Variants in SPTLC2 observed in about 807,000 individuals in gnomAD.
The protein encoded by SPTLC2 is serine palmitoyltransferase 2.
SPTLC2 carries 21 observed loss-of-function variants against 62.0 expected under a neutral mutation model. The observed-to-expected ratio is 0.34, with a 90% CI of 0.24 to 0.49. SPTLC2 has a LOEUF of 0.49. Ranked by LOEUF, SPTLC2 falls within the 20% of genes least tolerant of loss-of-function variation. The probability of loss-of-function intolerance (pLI) is 0.99; values close to 1 mark genes in which losing one functional copy is unlikely to be tolerated. For missense variants in SPTLC2, 511 were observed against 713.0 expected, an observed-to-expected ratio of 0.72 and a Z score of 3.23; for synonymous variants, 261 against 261.8, an observed-to-expected ratio of 1.00 and a Z score of 0.03.
chr14:77,603,394 C>T (rs2079888328), intron 1 of SPTLC2, among the ~76,000 whole-genome samples: 1 of 152,212 alleles, frequency 6.6e-6, no homozygotes, highest in South Asian at 2.1e-4. Flanking sequence ...TCCTTAAAAT[C>T]AGTTCTGCTG....
At chr14:77,614,236 G>C (rs2079952754) in intron 1 of SPTLC2, among the ~76,000 whole-genome samples, 1 of 152,214 alleles carries the variant, frequency 6.6e-6, no homozygotes, top group African/African-American at 2.4e-5. Flanking sequence ...ATGCTAAATT[G>C]TTAGAGATTA....
rs112699811 is a variant in SPTLC2 at position 77,568,007 on chromosome 14, G to A, written c.756+2377C>T. Among the ~76,000 whole-genome samples the A allele has an allele frequency of 2.2e-4, 33 of 152,022 alleles. 1 individual carries two copies. Among genetic ancestry groups the A allele is most frequent in the African/African-American group, 8.0e-4 (33 of 41,490 alleles). On this transcript the variant is annotated intron_variant, in intron 5 of 11. Coordinates refer to ENST00000216484, the MANE Select transcript of SPTLC2 (RefSeq NM_004863.4). ...CACCCCTAAGCATTTTCTTTGAGCT[G>A]TCATGATGACACTCAAAATATTTAC...
chr14:77,582,035 T>C (rs2079753967), intron 2 of SPTLC2, among the ~76,000 whole-genome samples: 1 of 147,772 alleles, frequency 6.8e-6, no homozygotes, highest in Non-Finnish European at 1.5e-5. Context: ...GATTATCTCA[T>C]TTCTTTTTTT....
rs115487358 is a variant in SPTLC2, at chr14:77,563,140, C to T, written c.757-651G>A. 5.0e-3 allele frequency among the ~76,000 whole-genome samples: 756 copies of T among 152,126 alleles called. 8 individuals are homozygous for T. Among genetic ancestry groups the T allele is most frequent in the African/African-American group, 0.018 (733 of 41,480 alleles). On this transcript the variant is annotated intron_variant, in intron 5 of 11. Transcript: ENST00000216484. The stretch of plus-strand genomic sequence containing the variant: ...TCCATCTCTCAGGGGGCCCTTCAAC[C>T]TGTCAGATCTCAACTCAGAAAAAGG...
intron 9 of SPTLC2, among the ~76,000 whole-genome samples, chr14:77,542,471 G>C (rs1479436675): frequency 6.6e-6 from 1 of 152,172 alleles, no homozygotes; most frequent in Non-Finnish European, 1.5e-5. Context: ...TTGTAAAAGG[G>C]AGATTTATAA....
At chr14:77,546,510 G>A (rs1212564688) in intron 9 of SPTLC2, among the ~76,000 whole-genome samples, 1 of 152,154 alleles carries the variant, frequency 6.6e-6, no homozygotes, top group Non-Finnish European at 1.5e-5. Flanking sequence ...GGAGGAGGTT[G>A]TAGAAGAGAA....
In SPTLC2 at chr14:77,555,503, C is replaced by A; in HGVS notation, c.973G>T (p.Val325Phe). The A allele has an allele frequency of 6.2e-7, 1 of 1,614,142 alleles. No homozygotes were observed. Among genetic ancestry groups the A allele is most frequent in the Non-Finnish European group, 8.5e-7 (1 of 1,180,034 alleles). ...AGGGCAATCACTTCAGGAAGACGAA[C>A]AATAGATCCCTCCATGCTGGCAAAA... ...EGIYSMEGSI[V>F]RLPEVIALKK... The change falls in exon 8 of 12, where the codon GTT becomes TTT. Residue 325 changes from valine to phenylalanine, a missense_variant. Val to Phe is a conservative substitution (Grantham distance 50). Transcript: ENST00000216484.
At chr14:77,555,171 T>A in intron 8 of SPTLC2, 129 bp downstream of exon 8, 1 of 927,402 alleles carries the variant, frequency 1.1e-6, no homozygotes, top group Non-Finnish European at 1.8e-6. Context: ...CACTCACTGG[T>A]ATTATGAGCC....
Position 77,506,918 on chromosome 14 carries a change from T to C in SPTLC2, c.*5366A>G, listed in dbSNP as rs1489252841. Reference sequence around the variant, plus strand: ...CATTAAGAACACAGTAACTGCAGTTTAAAAGCCATTGCATTCTTTAGGGTC... The same window carrying C: ...CATTAAGAACACAGTAACTGCAGTTCAAAAGCCATTGCATTCTTTAGGGTC... On this transcript the variant is annotated 3_prime_UTR_variant, in exon 12 of 12. Transcript: ENST00000216484. The C allele has an allele frequency of 6.6e-6, 1 of 152,232 alleles. No homozygotes were observed. Among genetic ancestry groups the C allele is most frequent in the Non-Finnish European group, 1.5e-5 (1 of 68,052 alleles). The allele number at this position is 152,232 out of a possible 1,614,324, so 9.4% of individuals were successfully genotyped here. A position where few individuals can be genotyped will look rare whatever the true frequency, so the allele number is the denominator to read the frequency against.
chr14:77,513,538 G>A (rs570529142), intron 11 of SPTLC2, among the ~76,000 whole-genome samples: 2 of 152,276 alleles, frequency 1.3e-5, no homozygotes, highest in South Asian at 4.1e-4. Context: ...AAATTAAGCT[G>A]GGAGAACCCA....
chr14:77,549,044 T>A (rs1464355830), intron 9 of SPTLC2, among the ~76,000 whole-genome samples: 1 of 152,206 alleles, frequency 6.6e-6, no homozygotes, highest in African/African-American at 2.4e-5. Flanking sequence ...TGTTTGTCCA[T>A]CTCAGGATGG....
intron 1 of SPTLC2, among the ~76,000 whole-genome samples, chr14:77,612,447 T>C (rs561648870): frequency 2.9e-4 from 44 of 152,364 alleles, no homozygotes; most frequent in Non-Finnish European, 5.3e-4. Context: ...GATGCAGCTA[T>C]GTAAGAATCA....
chr14:77,517,342 C>T (rs1313473432), intron 11 of SPTLC2, among the ~76,000 whole-genome samples: 1 of 152,106 alleles, frequency 6.6e-6, no homozygotes, highest in Non-Finnish European at 1.5e-5. Flanking sequence ...TTATAAACTC[C>T]CAGATGGCAA....
intron 9 of SPTLC2, among the ~76,000 whole-genome samples, chr14:77,524,044 A>G (rs952413467): frequency 3.9e-5 from 6 of 152,220 alleles, no homozygotes; most frequent in South Asian, 2.1e-4. Context: ...AATATGATCT[A>G]TATGTTCAAA....
chr14:77,593,880 A>G (rs942913810), intron 2 of SPTLC2, among the ~76,000 whole-genome samples: 1 of 152,176 alleles, frequency 6.6e-6, no homozygotes, highest in African/African-American at 2.4e-5. Flanking sequence ...CTCTAATCCA[A>G]CATTAGAAAA....
intron 1 of SPTLC2, among the ~76,000 whole-genome samples, chr14:77,609,111 G>A (rs771827966): frequency 1.3e-5 from 2 of 151,888 alleles, no homozygotes; most frequent in Non-Finnish European, 2.9e-5. Flanking sequence ...TTTGTATTCT[G>A]TTATTAGTGA....
rs970180413 is a variant in SPTLC2, at chr14:77,534,188, A to T, written c.1304-12607T>A. Among the ~76,000 whole-genome samples, 229 of 143,406 alleles carry T rather than the reference A, an allele frequency of 1.6e-3. 1 individual carries two copies. The highest frequency in any genetic ancestry group is 4.8e-3 in the African/African-American group (183 of 38,204). 94.1% of individuals were successfully genotyped at this position (143,406 alleles called of 152,430 possible). A position where few individuals can be genotyped will look rare whatever the true frequency, so the allele number is the denominator to read the frequency against. On this transcript the variant is annotated intron_variant, in intron 9 of 11. Coordinates refer to ENST00000216484, the MANE Select transcript of SPTLC2 (RefSeq NM_004863.4). ...CTTTCTCTCTCTCTCTCACACACAC[A>T]CACACACACACACACACACACACAC...
At chr14:77,598,217 A>G (rs1393844391) in intron 1 of SPTLC2, among the ~76,000 whole-genome samples, 1 of 152,204 alleles carries the variant, frequency 6.6e-6, no homozygotes, top group African/African-American at 2.4e-5. Flanking sequence ...TAACTTATAA[A>G]TTATATGCCC....
intron 2 of SPTLC2, among the ~76,000 whole-genome samples, chr14:77,582,978 T>C (rs959405499): frequency 3.9e-5 from 6 of 151,984 alleles, no homozygotes; most frequent in South Asian, 2.1e-4. Flanking sequence ...GGCGGGTGGA[T>C]CGCTTGAGCC....
Sources: gnomAD v4.1 joint callset for allele counts (sites outside exome capture counted in the v4.1 genomes callset) on GRCh38, gnomAD v4.1.1 for gene constraint, MANE v1.5 for transcripts, NCBI Gene and HGNC (gene_info 2026-07-23, HGNC 2026-07-21) for gene names.